The following RBFOX1 variants were observed in gnomAD, a reference collection of about 807,000 sequenced individuals.
RBFOX1 encodes the protein RNA binding fox-1 homolog 1, also known as RNA binding protein fox-1 homolog 1.
In RBFOX1, 8 loss-of-function variants were observed where a neutral mutation model predicts 57.7. That is an observed-to-expected ratio of 0.14 (90% CI 0.08 to 0.25). The LOEUF (loss-of-function observed/expected upper bound fraction) is 0.25, where lower values mean the gene tolerates loss of function less well. Ranked by LOEUF, RBFOX1 falls within the 10% of genes least tolerant of loss-of-function variation. The pLI is 1.00. For synonymous variants in RBFOX1, 326 were observed against 222.4 expected, an observed-to-expected ratio of 1.47 and a Z score of -4.15; for missense variants, 611 against 548.5, an observed-to-expected ratio of 1.11 and a Z score of -1.14.
chr16:6,306,462 C>G (rs116931085), intron 1 of RBFOX1, among the ~76,000 whole-genome samples: 9,952 of 152,244 alleles, frequency 0.065, 363 homozygotes, highest in South Asian at 0.095. Flanking sequence ...TCTTTTACGT[C>G]AGAGGCATTT....
intron 4 of RBFOX1, among the ~76,000 whole-genome samples, chr16:7,512,246 C>G (rs977652867): frequency 1.3e-5 from 2 of 152,168 alleles, no homozygotes; most frequent in African/African-American, 2.4e-5. Context: ...AACCCAGGAG[C>G]CTGTTCGCGT....
intron 10 of RBFOX1, among the ~76,000 whole-genome samples, chr16:7,628,206 A>C (rs1568171954): frequency 6.6e-6 from 1 of 152,158 alleles, no homozygotes; most frequent in African/African-American, 2.4e-5. Flanking sequence ...GAAACTTCAT[A>C]GCTGATTTTA....
At chr16:5,590,446 A>G (rs2046969062) in intron 2 of RBFOX1, among the ~76,000 whole-genome samples, 1 of 152,166 alleles carries the variant, frequency 6.6e-6, no homozygotes, top group Non-Finnish European at 1.5e-5. Flanking sequence ...GCTGAAAGTT[A>G]ACTGGCATTT....
At chr16:6,033,768 CAT>C (rs2095323752) in intron 1 of RBFOX1, among the ~76,000 whole-genome samples, 1 of 152,224 alleles carries the variant, frequency 6.6e-6, no homozygotes, top group African/African-American at 2.4e-5. Flanking sequence ...ACTTCCCACA[CAT>C]GTCTGTAGGA....
At chr16:6,234,016 C>CAGAGGA (rs2097486180) in intron 1 of RBFOX1, among the ~76,000 whole-genome samples, 1 of 152,176 alleles carries the variant, frequency 6.6e-6, no homozygotes, top group Non-Finnish European at 1.5e-5. Flanking sequence ...GCTGCATCCT[C>CAGAGGA]TGGAGGGGAA....
At chr16:5,636,330 A>G (rs11863460) in intron 3 of RBFOX1, among the ~76,000 whole-genome samples, 53,812 of 152,002 alleles carry the variant, frequency 0.35, 12,885 homozygotes, top group African/African-American at 0.68. Flanking sequence ...CCTGGGCGAC[A>G]AGAGTGAAAC....
intron 4 of RBFOX1, among the ~76,000 whole-genome samples, chr16:7,323,935 A>ATGG (rs1555713135): frequency 4.6e-5 from 7 of 152,036 alleles, no homozygotes; most frequent in African/African-American, 1.7e-4. Flanking sequence ...TGGGTGGATG[A>ATGG]TGAGTGGGTG....
Position 5,495,896 on chromosome 16 carries a change from C to T in RBFOX1, c.258+28642C>T, listed in dbSNP as rs376920199. 1.9e-4 allele frequency among the ~76,000 whole-genome samples: 29 copies of T among 152,270 alleles called. No homozygotes were observed. The South Asian group carries it at 3.7e-3, about 20-fold the overall frequency. On this transcript the variant is annotated intron_variant, in intron 2 of 2. Coordinates refer to the RBFOX1 transcript ENST00000585867. The stretch of plus-strand genomic sequence containing the variant: ...ATCCCGGCACTGTGGGAGGCCGAGG[C>T]GGGCAGATCACCTGAGGTCAGGAGT...
chr16:7,480,146 C>T (rs113210189), intron 4 of RBFOX1, among the ~76,000 whole-genome samples: 93 of 152,258 alleles, frequency 6.1e-4, no homozygotes, highest in African/African-American at 1.9e-3. Context: ...GCCTGTGTGT[C>T]TTGGGACAGC....
chr16:6,605,588 T>G (rs1221381760), intron 2 of RBFOX1, among the ~76,000 whole-genome samples: 1 of 152,200 alleles, frequency 6.6e-6, no homozygotes, highest in Non-Finnish European at 1.5e-5. Context: ...TTTTTACTTG[T>G]GCTGCTACTT....
chr16:5,478,286 C>A (rs764863968), intron 2 of RBFOX1, among the ~76,000 whole-genome samples: 1 of 152,026 alleles, frequency 6.6e-6, no homozygotes, highest in African/African-American at 2.4e-5. Flanking sequence ...AGCTGCCAGA[C>A]GGTTAGAGTG....
chr16:6,314,416 C>G (rs1408427134), intron 1 of RBFOX1, among the ~76,000 whole-genome samples: 2 of 152,138 alleles, frequency 1.3e-5, no homozygotes, highest in South Asian at 2.1e-4. Flanking sequence ...GGGACCTCCC[C>G]TAAAATTCAG....
intron 3 of RBFOX1, among the ~76,000 whole-genome samples, chr16:5,821,197 G>T (rs1428991913): frequency 1.3e-5 from 2 of 152,082 alleles, no homozygotes; most frequent in South Asian, 2.1e-4. Context: ...AACATGGGGG[G>T]CTGCCTCAGA....
In RBFOX1 at chr16:7,029,908, C is replaced by G. The variant is rs139288347; in HGVS notation, c.-15-22149C>G. 8.4e-4 allele frequency among the ~76,000 whole-genome samples: 128 copies of G among 152,272 alleles called. 1 individual carries two copies. The Middle Eastern group carries it at 0.01, about 12-fold the overall frequency. On this transcript the variant is annotated intron_variant, in intron 3 of 15. Transcript: ENST00000550418. ...AATGAAGACCCAGCAAATGCCATTT[C>G]TTCTCACTAGAATGGGAGATTTGGA...
At chr16:5,781,115 C>G (rs1172497234) in intron 3 of RBFOX1, among the ~76,000 whole-genome samples, 2 of 152,174 alleles carry the variant, frequency 1.3e-5, no homozygotes, top group African/African-American at 4.8e-5. Flanking sequence ...CTAAGGGAAC[C>G]TGTGAGATAA....
chr16:6,289,679 C>G (rs1331931122), intron 1 of RBFOX1, among the ~76,000 whole-genome samples: 2 of 152,184 alleles, frequency 1.3e-5, no homozygotes, highest in Non-Finnish European at 1.5e-5. Context: ...CAAGAAGATG[C>G]ATTGAGCAAT....
intron 3 of RBFOX1, among the ~76,000 whole-genome samples, chr16:7,028,922 C>T (rs1299089486): frequency 6.6e-6 from 1 of 150,434 alleles, no homozygotes; most frequent in African/African-American, 2.4e-5. Context: ...AGTTTGCAAG[C>T]ATCTATGAAA....
chr16:7,459,295 A>G (rs761850299), intron 4 of RBFOX1, among the ~76,000 whole-genome samples: 3 of 152,204 alleles, frequency 2.0e-5, no homozygotes, highest in Admixed American at 6.5e-5. Flanking sequence ...TTTGAGACAC[A>G]CTTTCTGGAG....
chr16:7,418,997 C>G (rs1445252251), intron 4 of RBFOX1, among the ~76,000 whole-genome samples: 5 of 152,100 alleles, frequency 3.3e-5, no homozygotes, highest in East Asian at 1.9e-4. Flanking sequence ...CTTGACCTCC[C>G]GGGCTCATGC....
Sources: gnomAD v4.1 joint callset for allele counts (sites outside exome capture counted in the v4.1 genomes callset) on GRCh38, gnomAD v4.1.1 for gene constraint, MANE v1.5 for transcripts, NCBI Gene and HGNC (gene_info 2026-07-23, HGNC 2026-07-21) for gene names.